MTMR2: variants seen among roughly 807,000 people sequenced by gnomAD.
MTMR2 encodes the protein myotubularin related protein 2.
MTMR2 carries 55 observed loss-of-function variants against 86.9 expected under a neutral mutation model. The ratio of observed to expected loss-of-function variants is 0.63; its 90% confidence interval spans 0.51 to 0.79. The LOEUF (loss-of-function observed/expected upper bound fraction) is 0.79. MTMR2 is among the 30% of genes least tolerant of loss of function. MTMR2 has a pLI of 0.00. For missense variants in MTMR2, 659 were observed against 772.3 expected (o/e 0.85, Z 1.74); for synonymous variants, 241 against 266.8 (o/e 0.90, Z 0.94).
chr11:95,910,537 T>C (rs1866460355), intron 1 of MTMR2, among the ~76,000 whole-genome samples: 1 of 152,018 alleles, frequency 6.6e-6, no homozygotes, highest in Admixed American at 6.6e-5. Flanking sequence ...AGTAAACAAA[T>C]GCCTCTAGAA....
chr11:95,877,331 CCTTTTTTT>C (rs1316570174), intron 2 of MTMR2, among the ~76,000 whole-genome samples: 73 of 94,714 alleles, frequency 7.7e-4, no homozygotes, highest in Admixed American at 2.1e-3. Context: ...ACAGGGAAGC[CCTTTTTTT>C]TTTTTTTTTT....
intron 2 of MTMR2, among the ~76,000 whole-genome samples, chr11:95,879,232 G>A (rs1012822091): frequency 6.6e-6 from 1 of 152,150 alleles, no homozygotes; most frequent in Non-Finnish European, 1.5e-5. Context: ...AGAGAATGTG[G>A]AAGAAAGAGA....
At chr11:95,880,546 G>A (rs1294700168) in intron 2 of MTMR2, among the ~76,000 whole-genome samples, 2 of 152,000 alleles carry the variant, frequency 1.3e-5, no homozygotes, top group Non-Finnish European at 2.9e-5. Context: ...TTTCAGCACT[G>A]TATGAGAATT....
At chr11:95,875,655 TGGA>T (rs1236034150) in intron 2 of MTMR2, among the ~76,000 whole-genome samples, 1 of 152,250 alleles carries the variant, frequency 6.6e-6, no homozygotes, top group East Asian at 1.9e-4. Context: ...TGCGTTCCTC[TGGA>T]GGAGGAGAGG....
chr11:95,872,475 C>T (rs538554477), intron 2 of MTMR2, among the ~76,000 whole-genome samples: 81 of 152,286 alleles, frequency 5.3e-4, no homozygotes, highest in African/African-American at 1.8e-3. Flanking sequence ...TATCCTGAGA[C>T]TTTGCTGAAG....
chr11:95,838,272 G>A, intron 12 of MTMR2, 65 bp from the exon 13 acceptor site: 1 of 881,564 alleles, frequency 1.1e-6, no homozygotes, highest in South Asian at 1.3e-5. Flanking sequence ...TCCCTGTCAT[G>A]GGTAGATCCT....
At chr11:95,904,800 C>T (rs1387038299) in intron 1 of MTMR2, among the ~76,000 whole-genome samples, 3 of 152,144 alleles carry the variant, frequency 2.0e-5, no homozygotes, top group Non-Finnish European at 2.9e-5. Flanking sequence ...ATGGACTCAC[C>T]CCGAATTCTT....
At position 95,895,107 on chromosome 11, in the gene MTMR2, A is replaced by T. The variant is rs182171775; in HGVS notation, c.81-6846T>A. On this transcript the variant is annotated intron_variant, in intron 1 of 14. Transcript: ENST00000346299. ...AGATTTCTGACCAATAAGAGACATT[A>T]TACCACACAAGCATATCAATAATAC... is the stretch of plus-strand genomic sequence containing the variant. 1.1e-3 allele frequency among the ~76,000 whole-genome samples: 164 copies of T among 152,086 alleles called. 1 individual carries two copies. Among genetic ancestry groups the T allele is most frequent in the Admixed American group, 4.1e-3 (63 of 15,252 alleles).
At chr11:95,861,822 A>G (rs924611430) in intron 5 of MTMR2, among the ~76,000 whole-genome samples, 170 bp downstream of exon 5, 1 of 152,158 alleles carries the variant, frequency 6.6e-6, no homozygotes, top group African/African-American at 2.4e-5. Context: ...TTCATGAATC[A>G]CCTTTTCTAT....
chr11:95,880,938 G>A (rs1290451829), intron 2 of MTMR2, among the ~76,000 whole-genome samples: 2 of 151,948 alleles, frequency 1.3e-5, no homozygotes, highest in African/African-American at 4.8e-5. Context: ...GTAAATTTTA[G>A]CACAATCAAA....
chr11:95,918,908 C>A (rs1246756567), intron 1 of MTMR2, among the ~76,000 whole-genome samples: 1 of 152,176 alleles, frequency 6.6e-6, no homozygotes, highest in Non-Finnish European at 1.5e-5. Context: ...ACTATCACAA[C>A]CCACTGCAGC....
intron 1 of MTMR2, among the ~76,000 whole-genome samples, chr11:95,904,079 G>T (rs1181715442): frequency 6.6e-6 from 1 of 151,984 alleles, no homozygotes; most frequent in East Asian, 1.9e-4. Context: ...CACTGCACTT[G>T]ATCTTGCCAA....
At chr11:95,860,369 C>CA (rs1482788226) in intron 5 of MTMR2, among the ~76,000 whole-genome samples, 2 of 152,098 alleles carry the variant, frequency 1.3e-5, no homozygotes, top group African/African-American at 4.8e-5. Context: ...GGCATGGTGG[C>CA]ATATGCCTGT....
chr11:95,905,520 G>A (rs982435217), intron 1 of MTMR2, among the ~76,000 whole-genome samples: 4 of 152,080 alleles, frequency 2.6e-5, no homozygotes, highest in Admixed American at 6.6e-5. Context: ...AAATATGTAC[G>A]GGGCTAAGAA....
At chr11:95,907,087 T>C (rs758913355) in intron 1 of MTMR2, among the ~76,000 whole-genome samples, 1 of 151,956 alleles carries the variant, frequency 6.6e-6, no homozygotes, top group Non-Finnish European at 1.5e-5. Context: ...GTTGGTTCTT[T>C]GAAAGAATAA....
At chr11:95,907,957 G>A in intron 1 of MTMR2, 1 of 395,646 alleles carries the variant, frequency 2.5e-6, no homozygotes, top group Non-Finnish European at 4.9e-6. Context: ...AATGCCCACT[G>A]TCATCACTCA....
chr11:95,898,007 A>G lies in MTMR2; in HGVS notation c.81-9746T>C, dbSNP rs796291791. ...CTTTTCTGCCAACTTGAAAAAATGG[A>G]AACACTTTGGAGTAATCTTGGTACT... is the stretch of plus-strand genomic sequence containing the variant. On this transcript the variant is annotated intron_variant, in intron 1 of 14. Transcript: ENST00000346299. Among the ~76,000 whole-genome samples the G allele has an allele frequency of 2.6e-5, 4 of 152,252 alleles. No individual in the cohort carries two copies. The South Asian group carries it at 6.2e-4, about 24-fold the overall frequency.
intron 1 of MTMR2, among the ~76,000 whole-genome samples, chr11:95,891,223 G>T (rs770930488): frequency 4.6e-5 from 7 of 152,104 alleles, no homozygotes; most frequent in Non-Finnish European, 8.8e-5. Flanking sequence ...GGCCAAGGAG[G>T]GTGGATCACT....
At chr11:95,879,753 T>C (rs1865254745) in intron 2 of MTMR2, among the ~76,000 whole-genome samples, 1 of 152,116 alleles carries the variant, frequency 6.6e-6, no homozygotes, top group Admixed American at 6.6e-5. Context: ...ATAGTAAACA[T>C]ATAAATAAAC....
Sources: gnomAD v4.1 joint callset for allele counts (sites outside exome capture counted in the v4.1 genomes callset) on GRCh38, gnomAD v4.1.1 for gene constraint, MANE v1.5 for transcripts, NCBI Gene and HGNC (gene_info 2026-07-23, HGNC 2026-07-21) for gene names.